Variants in CDC42SE2 observed in about 807,000 individuals in gnomAD.
The protein encoded by CDC42SE2 is CDC42 small effector 2.
A neutral mutation model predicts 11.5 loss-of-function variants in CDC42SE2; 3 were observed. That is an observed-to-expected ratio of 0.26 (90% CI 0.12 to 0.67). The LOEUF is 0.67. Ranked by LOEUF, CDC42SE2 falls within the 30% of genes least tolerant of loss-of-function variation. CDC42SE2 has a pLI of 0.80. For synonymous variants in CDC42SE2, 33 were observed against 34.8 expected (o/e 0.95, Z 0.18); for missense variants, 82 against 106.8 (o/e 0.77, Z 1.02).
At chr5:131,370,328 G>A (rs1421776472) in intron 3 of CDC42SE2, among the ~76,000 whole-genome samples, 1 of 152,002 alleles carries the variant, frequency 6.6e-6, no homozygotes, top group African/African-American at 2.4e-5. Context: ...AAATAAATAT[G>A]GCAAATGAGC....
chr5:131,385,987 C>G (rs773690192), intron 4 of CDC42SE2, among the ~76,000 whole-genome samples: 12 of 152,282 alleles, frequency 7.9e-5, no homozygotes, highest in Non-Finnish European at 1.6e-4. Flanking sequence ...GGATATCAGC[C>G]TTTTTAATAA....
intron 3 of CDC42SE2, among the ~76,000 whole-genome samples, chr5:131,379,513 T>C (rs1026995719): frequency 1.3e-5 from 2 of 152,224 alleles, no homozygotes; most frequent in Non-Finnish European, 2.9e-5. Flanking sequence ...AGGATGCAAA[T>C]AAGGTTCTCA....
chr5:131,381,575 G>A, intron 3 of CDC42SE2, among the ~76,000 whole-genome samples: 1 of 152,074 alleles, frequency 6.6e-6, no homozygotes, highest in Non-Finnish European at 1.5e-5. Flanking sequence ...CACCCGCCTC[G>A]GCCTCCCAAA....
intron 3 of CDC42SE2, among the ~76,000 whole-genome samples, chr5:131,384,398 AGATAAG>A (rs1310101592): frequency 2.0e-5 from 3 of 152,198 alleles, no homozygotes; most frequent in Admixed American, 2.0e-4. Flanking sequence ...GCGTTTCAGT[AGATAAG>A]GACATAAAAG....
chr5:131,316,915 G>A (rs1012639035), intron 2 of CDC42SE2, among the ~76,000 whole-genome samples: 2 of 152,022 alleles, frequency 1.3e-5, no homozygotes, highest in African/African-American at 4.8e-5. Context: ...ATGTTTTTTA[G>A]TGTCGCACAC....
intron 1 of CDC42SE2, among the ~76,000 whole-genome samples, chr5:131,293,789 C>T (rs1191811668): frequency 1.3e-5 from 2 of 152,160 alleles, no homozygotes; most frequent in African/African-American, 4.8e-5. Context: ...ATTACCTTCT[C>T]CCCTTCCCAA....
At chr5:131,223,221 A>T in the CDC42SE2 span, among the ~76,000 whole-genome samples, 1 of 152,182 alleles carries the variant, frequency 6.6e-6, no homozygotes, top group Non-Finnish European at 1.5e-5. Context: ...GTCCCACCAG[A>T]CATTTTAATC....
At chr5:131,350,720 A>C (rs1758987626) in intron 2 of CDC42SE2, among the ~76,000 whole-genome samples, 1 of 151,856 alleles carries the variant, frequency 6.6e-6, no homozygotes, top group South Asian at 2.1e-4. Flanking sequence ...GAATCACAGG[A>C]GGCTTTTTTT....
At chr5:131,303,248 G>C (rs1757718507) in intron 1 of CDC42SE2, among the ~76,000 whole-genome samples, 1 of 152,160 alleles carries the variant, frequency 6.6e-6, no homozygotes, top group Admixed American at 6.6e-5. Flanking sequence ...ATTTCTTACA[G>C]GTCTATATTT....
At chr5:131,339,339 A>G (rs1186035444) in intron 2 of CDC42SE2, among the ~76,000 whole-genome samples, 2 of 151,440 alleles carry the variant, frequency 1.3e-5, no homozygotes, top group African/African-American at 4.8e-5. Flanking sequence ...TAAGATAATG[A>G]TAAGGAAACA....
the CDC42SE2 span, among the ~76,000 whole-genome samples, chr5:131,220,447 C>A: frequency 6.6e-6 from 1 of 152,026 alleles, no homozygotes; most frequent in Non-Finnish European, 1.5e-5. Context: ...CCTCGTGATC[C>A]GCCCACCTCA....
intron 1 of CDC42SE2, among the ~76,000 whole-genome samples, chr5:131,309,107 T>C (rs956938616): frequency 1.3e-5 from 2 of 152,196 alleles, no homozygotes; most frequent in Non-Finnish European, 2.9e-5. Flanking sequence ...CTTATTCTTT[T>C]GAAATACATC....
intron 3 of CDC42SE2, among the ~76,000 whole-genome samples, chr5:131,363,292 A>G (rs1749764810): frequency 6.8e-6 from 1 of 147,928 alleles, no homozygotes; most frequent in Non-Finnish European, 1.5e-5. Context: ...CCACTTTTCT[A>G]TTCATATTAT....
chr5:131,369,179 A>G (rs1329459470), intron 3 of CDC42SE2, among the ~76,000 whole-genome samples: 1 of 152,204 alleles, frequency 6.6e-6, no homozygotes, highest in African/African-American at 2.4e-5. Context: ...AAATGGAGTC[A>G]TTACTGGTTG....
At chr5:131,337,007 G>C (rs186480495) in intron 2 of CDC42SE2, among the ~76,000 whole-genome samples, 1 of 152,196 alleles carries the variant, frequency 6.6e-6, no homozygotes, top group Non-Finnish European at 1.5e-5. Context: ...TCCGTTGCTG[G>C]TGAGGAGCTG....
chr5:131,299,455 A>G (rs1649870140), intron 1 of CDC42SE2, among the ~76,000 whole-genome samples: 1 of 152,174 alleles, frequency 6.6e-6, no homozygotes, highest in Non-Finnish European at 1.5e-5. Context: ...GAAAGGCAAA[A>G]GTTAAGGATA....
chr5:131,254,963 CATT>C (rs903099445), intron 1 of CDC42SE2: 1 of 151,808 alleles, frequency 6.6e-6, no homozygotes, highest in African/African-American at 2.4e-5. Flanking sequence ...AAGTGTGACT[CATT>C]ATAACCAAGA....
At chr5:131,252,065 G>GAAGT in intron 1 of CDC42SE2, among the ~76,000 whole-genome samples, 1 of 140,738 alleles carries the variant, frequency 7.1e-6, no homozygotes, top group South Asian at 2.3e-4. Flanking sequence ...TGAGTGGAAG[G>GAAGT]AAGGAAGGAA....
At chr5:131,352,745 G>T (rs982048580) in intron 2 of CDC42SE2, among the ~76,000 whole-genome samples, 1 of 152,158 alleles carries the variant, frequency 6.6e-6, no homozygotes, top group Non-Finnish European at 1.5e-5. Context: ...ATTTAGTGCT[G>T]CTACAGCTAT....
Sources: gnomAD v4.1 joint callset for allele counts (sites outside exome capture counted in the v4.1 genomes callset) on GRCh38, gnomAD v4.1.1 for gene constraint, MANE v1.5 for transcripts, NCBI Gene and HGNC (gene_info 2026-07-23, HGNC 2026-07-21) for gene names.